NRXN1: variants seen among roughly 807,000 people sequenced by gnomAD.
NRXN1 encodes the protein neurexin-1.
A neutral mutation model predicts 150.9 loss-of-function variants in NRXN1; 39 were observed. That is an observed-to-expected ratio of 0.26 (90% CI 0.20 to 0.34). The LOEUF is 0.34. NRXN1 is among the 10% of genes least tolerant of loss of function. The pLI, the probability that NRXN1 is intolerant of heterozygous loss-of-function variation, is 1.00. For synonymous variants in NRXN1, 924 were observed against 757.0 expected, an observed-to-expected ratio of 1.22 and a Z score of -3.62; for missense variants, 1,815 against 1,949.9, an observed-to-expected ratio of 0.93 and a Z score of 1.30.
At chr2:50,975,632 A>G (rs887187542) in intron 2 of NRXN1, among the ~76,000 whole-genome samples, 66 of 152,244 alleles carry the variant, frequency 4.3e-4, no homozygotes, top group African/African-American at 1.0e-3. Flanking sequence ...TTCTGCTAAC[A>G]TAAGTCCTAT....
chr2:50,515,600 GGTGT>G (rs60612860), intron 12 of NRXN1, among the ~76,000 whole-genome samples: 43,869 of 143,272 alleles, frequency 0.31, 7,026 homozygotes, highest in Middle Eastern at 0.49. Flanking sequence ...AAATGCTTGG[GGTGT>G]GTGTGTGTGT....
chr2:50,450,923 C>T (rs879732609), intron 17 of NRXN1, among the ~76,000 whole-genome samples: 4 of 152,094 alleles, frequency 2.6e-5, no homozygotes, highest in Non-Finnish European at 4.4e-5. Flanking sequence ...CTTTACACTC[C>T]GAAACAATTG....
intron 18 of NRXN1, among the ~76,000 whole-genome samples, chr2:50,153,420 T>A (rs975676497): frequency 6.6e-6 from 1 of 151,552 alleles, no homozygotes; most frequent in Non-Finnish European, 1.5e-5. Flanking sequence ...AAAATGGACA[T>A]TTGAATTTAA....
At chr2:50,662,882 A>G (rs1687496141) in intron 5 of NRXN1, among the ~76,000 whole-genome samples, 1 of 151,960 alleles carries the variant, frequency 6.6e-6, no homozygotes, top group Non-Finnish European at 1.5e-5. Flanking sequence ...GACAGAATAA[A>G]ACTTCTCTAG....
chr2:50,442,154 A>G (rs1383615044), intron 17 of NRXN1, among the ~76,000 whole-genome samples: 2 of 152,168 alleles, frequency 1.3e-5, no homozygotes, highest in African/African-American at 4.8e-5. Flanking sequence ...CTGCTACTTA[A>G]TAGCTCTATG....
At chr2:50,401,329 T>G (rs2082377613) in intron 17 of NRXN1, among the ~76,000 whole-genome samples, 1 of 152,086 alleles carries the variant, frequency 6.6e-6, no homozygotes, top group African/African-American at 2.4e-5. Context: ...CACTAATGGT[T>G]TGAAAAATCA....
At chr2:50,404,901 G>C (rs1234227119) in intron 17 of NRXN1, among the ~76,000 whole-genome samples, 2 of 152,070 alleles carry the variant, frequency 1.3e-5, no homozygotes, top group East Asian at 1.9e-4. Flanking sequence ...TCATTGAACA[G>C]AGTTCAAAAG....
intron 8 of NRXN1, among the ~76,000 whole-genome samples, chr2:50,591,389 TAGA>T (rs1674189073): frequency 9.2e-6 from 1 of 108,844 alleles, no homozygotes; most frequent in African/African-American, 3.7e-5. Flanking sequence ...ATCAGATAGA[TAGA>T]TAGATAGATA....
chr2:49,984,873 C>T (rs988938302), intron 21 of NRXN1, among the ~76,000 whole-genome samples: 1 of 152,196 alleles, frequency 6.6e-6, no homozygotes, highest in Non-Finnish European at 1.5e-5. Context: ...TAAGGACACA[C>T]AGATTTTGTT....
At chr2:50,971,819 A>T (rs1248196056) in intron 2 of NRXN1, among the ~76,000 whole-genome samples, 1 of 152,058 alleles carries the variant, frequency 6.6e-6, no homozygotes, top group Non-Finnish European at 1.5e-5. Flanking sequence ...AACATAATAC[A>T]AACACAGATT....
At chr2:50,306,764 T>G (rs1037313069) in intron 17 of NRXN1, among the ~76,000 whole-genome samples, 5 of 152,180 alleles carry the variant, frequency 3.3e-5, no homozygotes, top group African/African-American at 1.2e-4. Context: ...CATTTTTGAG[T>G]GTAATCAAAA....
intron 19 of NRXN1, among the ~76,000 whole-genome samples, chr2:50,058,585 G>T (rs1694002160): frequency 1.3e-5 from 2 of 152,116 alleles, no homozygotes; most frequent in South Asian, 2.1e-4. Context: ...AAAAACTAAT[G>T]ACTTTTCTGC....
intron 5 of NRXN1, among the ~76,000 whole-genome samples, chr2:50,706,686 A>T (rs1694488372): frequency 6.6e-6 from 1 of 152,158 alleles, no homozygotes; most frequent in Non-Finnish European, 1.5e-5. Flanking sequence ...AAACATGTCA[A>T]TTTCATAAGA....
At chr2:50,878,037 T>C (rs1678867112) in intron 5 of NRXN1, among the ~76,000 whole-genome samples, 1 of 151,966 alleles carries the variant, frequency 6.6e-6, no homozygotes, top group South Asian at 2.1e-4. Flanking sequence ...CAGGTTTGCC[T>C]GCTTGCTCCT....
intron 5 of NRXN1, among the ~76,000 whole-genome samples, chr2:50,890,449 G>A (rs769670902): frequency 2.6e-5 from 4 of 151,552 alleles, no homozygotes; most frequent in South Asian, 2.1e-4. Flanking sequence ...TTATTTAATG[G>A]AGGACATTTA....
rs531036522 is a variant in NRXN1, at chr2:50,964,056, T to C, written c.773-38101A>G. The C allele has an allele frequency of 7.6e-6, 3 of 396,514 alleles. No homozygotes were observed. The East Asian group carries it at 2.1e-4, about 28-fold the overall frequency. 24.6% of individuals were successfully genotyped at this position (396,514 alleles called of 1,614,324 possible). A position where few individuals can be genotyped will look rare whatever the true frequency, so the allele number is the denominator to read the frequency against. ...GCCTACTATGCAGAAGAATATGAAA[T>C]GAAGGTATTAAGATCCAGTTATGCT... On this transcript the variant is annotated intron_variant, in intron 2 of 22. Transcript: ENST00000401669.
intron 21 of NRXN1, among the ~76,000 whole-genome samples, chr2:50,041,141 G>C (rs979414209): frequency 6.6e-6 from 1 of 151,992 alleles, no homozygotes; most frequent in African/African-American, 2.4e-5. Context: ...ACATTTCCTA[G>C]GCTTTATCAA....
At chr2:50,240,053 G>A (rs146983816) in intron 17 of NRXN1, among the ~76,000 whole-genome samples, 1 of 151,574 alleles carries the variant, frequency 6.6e-6, no homozygotes, top group African/African-American at 2.4e-5. Flanking sequence ...AGTAAGATAA[G>A]TGTCACAATA....
At chr2:50,581,414 A>G (rs1329867851) in intron 8 of NRXN1, among the ~76,000 whole-genome samples, 1 of 152,192 alleles carries the variant, frequency 6.6e-6, no homozygotes, top group Non-Finnish European at 1.5e-5. Flanking sequence ...TCAAATAATT[A>G]AAACTCAAAT....
Sources: gnomAD v4.1 joint callset for allele counts (sites outside exome capture counted in the v4.1 genomes callset) on GRCh38, gnomAD v4.1.1 for gene constraint, MANE v1.5 for transcripts, NCBI Gene and HGNC (gene_info 2026-07-23, HGNC 2026-07-21) for gene names.